Variants in PAK2 observed in about 807,000 individuals in gnomAD.
PAK2 encodes the protein serine/threonine-protein kinase PAK 2.
PAK2 carries 21 observed loss-of-function variants against 65.9 expected under a neutral mutation model. That is an observed-to-expected ratio of 0.32 (90% CI 0.23 to 0.46). The LOEUF (loss-of-function observed/expected upper bound fraction) is 0.46, where lower values mean the gene tolerates loss of function less well. Among genes scored for constraint, PAK2 ranks in the 20% least tolerant of loss-of-function variants. The pLI is 1.00. For missense variants in PAK2, 324 were observed against 642.6 expected, an observed-to-expected ratio of 0.50 and a Z score of 5.36; for synonymous variants, 204 against 219.7, an observed-to-expected ratio of 0.93 and a Z score of 0.63.
chr3:196,793,037 CTG>C (rs1715124504), intron 2 of PAK2, among the ~76,000 whole-genome samples: 2 of 152,220 alleles, frequency 1.3e-5, no homozygotes, highest in Non-Finnish European at 1.5e-5. Flanking sequence ...GCACACGACA[CTG>C]TGTCGGAGTG....
intron 2 of PAK2, among the ~76,000 whole-genome samples, chr3:196,790,277 C>A (rs992647872): frequency 2.6e-5 from 4 of 152,212 alleles, no homozygotes; most frequent in Non-Finnish European, 5.9e-5. Context: ...ACTTAGGATT[C>A]TTTTCAGTAC....
chr3:196,771,274 A>G (rs1714351605), intron 1 of PAK2, among the ~76,000 whole-genome samples: 1 of 152,038 alleles, frequency 6.6e-6, no homozygotes, highest in Non-Finnish European at 1.5e-5. Flanking sequence ...TGACCATTCA[A>G]TTACTGCTTC....
intron 1 of PAK2, among the ~76,000 whole-genome samples, chr3:196,775,193 T>C (rs927119404): frequency 1.1e-4 from 16 of 152,192 alleles, no homozygotes; most frequent in Admixed American, 2.6e-4. Context: ...TTCAGGCAAG[T>C]ATTGCTTAAA....
chr3:196,803,837 C>G (rs1447474458), intron 4 of PAK2, among the ~76,000 whole-genome samples: 1 of 152,066 alleles, frequency 6.6e-6, no homozygotes, highest in African/African-American at 2.4e-5. Flanking sequence ...ATACCGTTAA[C>G]CTATGAGAGA....
chr3:196,815,162 A>G (rs997699511), intron 11 of PAK2, among the ~76,000 whole-genome samples: 18 of 151,748 alleles, frequency 1.2e-4, no homozygotes, highest in Non-Finnish European at 2.6e-4. Context: ...CCTGGGCAAC[A>G]GAGCGAGAGT....
At chr3:196,762,417 G>A (rs1248968307) in intron 1 of PAK2, among the ~76,000 whole-genome samples, 2 of 144,674 alleles carry the variant, frequency 1.4e-5, no homozygotes, top group African/African-American at 2.5e-5. Context: ...ATTGAGCACT[G>A]AGTGAACGAG....
At chr3:196,748,843 T>C (rs1713476179) in intron 1 of PAK2, among the ~76,000 whole-genome samples, 1 of 152,172 alleles carries the variant, frequency 6.6e-6, no homozygotes, top group African/African-American at 2.4e-5. Context: ...TACAGTTCAG[T>C]GGTACTAAAT....
intron 1 of PAK2, among the ~76,000 whole-genome samples, chr3:196,757,361 T>G (rs1246314061): frequency 6.6e-6 from 1 of 152,174 alleles, no homozygotes; most frequent in African/African-American, 2.4e-5. Context: ...ACTGGTTCTT[T>G]GAAGAGAAAT....
At chr3:196,742,022 G>T (rs1294191165) in intron 1 of PAK2, among the ~76,000 whole-genome samples, 1 of 151,948 alleles carries the variant, frequency 6.6e-6, no homozygotes, top group Non-Finnish European at 1.5e-5. Flanking sequence ...TTTATAGTTC[G>T]AGTATACAGG....
chr3:196,782,471 A>G (rs1297351096), intron 1 of PAK2, among the ~76,000 whole-genome samples, 155 bp from the exon 2 acceptor site: 5 of 152,214 alleles, frequency 3.3e-5, no homozygotes, highest in Non-Finnish European at 7.3e-5. Context: ...AGAGAGTTAC[A>G]TCTTTTACAC....
At chr3:196,792,358 A>G (rs1715101196) in intron 2 of PAK2, among the ~76,000 whole-genome samples, 1 of 152,228 alleles carries the variant, frequency 6.6e-6, no homozygotes, top group Non-Finnish European at 1.5e-5. Context: ...ACGACCTCAA[A>G]TTACTCAAAG....
intron 1 of PAK2, among the ~76,000 whole-genome samples, chr3:196,755,440 C>T (rs979630237): frequency 3.4e-5 from 5 of 145,914 alleles, no homozygotes; most frequent in Non-Finnish European, 7.4e-5. Flanking sequence ...AGAGTGTTTA[C>T]GCATTTCTTC....
At chr3:196,804,328 A>G (rs561319712) in intron 4 of PAK2, among the ~76,000 whole-genome samples, 5 of 152,320 alleles carry the variant, frequency 3.3e-5, no homozygotes, top group African/African-American at 9.6e-5. Context: ...ACTTGCTCCT[A>G]GAACTTTTCT....
chr3:196,781,957 T>A (rs1022211594), intron 1 of PAK2, among the ~76,000 whole-genome samples: 1 of 152,046 alleles, frequency 6.6e-6, no homozygotes, highest in African/African-American at 2.4e-5. Flanking sequence ...TACAAAAAAA[T>A]TAGCCGAAAG....
At chr3:196,740,668 T>C (rs1283649671) in intron 1 of PAK2, among the ~76,000 whole-genome samples, 1 of 152,146 alleles carries the variant, frequency 6.6e-6, no homozygotes. Context: ...TAACCTCTTT[T>C]CCACATTCCA....
At chr3:196,747,649 A>G (rs1560088113) in intron 1 of PAK2, among the ~76,000 whole-genome samples, 2 of 152,200 alleles carry the variant, frequency 1.3e-5, no homozygotes, top group South Asian at 2.1e-4. Context: ...TCTGTTGGTA[A>G]TATACAGAGT....
intron 3 of PAK2, 91 bp downstream of exon 3, chr3:196,802,118 GC>G: frequency 1.3e-6 from 1 of 777,752 alleles, no homozygotes; most frequent in Non-Finnish European, 2.3e-6. Flanking sequence ...AACATTTCAG[GC>G]CAGGTGCGGT....
At position 196,783,984 on chromosome 3, in the gene PAK2, T is replaced by C. The variant is rs113380691; in HGVS notation, c.187+1151T>C. Among the ~76,000 whole-genome samples the C allele has an allele frequency of 2.8e-3, 427 of 152,336 alleles. 1 individual carries two copies. Among genetic ancestry groups the C allele is most frequent in the African/African-American group, 9.9e-3 (411 of 41,584 alleles). On this transcript the variant is annotated intron_variant, in intron 2 of 14. Transcript: ENST00000327134. Reference sequence around the variant, plus strand: ...GTCTCCTATCTGTAGACATTTGGGTTGTTTTCATGAATAGTGTTGCTATGG... The same window carrying C: ...GTCTCCTATCTGTAGACATTTGGGTCGTTTTCATGAATAGTGTTGCTATGG...
rs761286680 is a variant in PAK2, at chr3:196,814,529, G to T, written c.1014G>T (p.Thr338=). The part of the protein sequence containing the change: ...GGSLTDVVTE[T]CMDEAQIAAV... ...CACTCACTGATGTGGTAACAGAAAC[G>T]TGCATGGATGAAGCACAGATTGCTG... The change falls in exon 11 of 15, where the codon ACG becomes ACT. Residue 338 remains threonine, a synonymous_variant. Transcript: ENST00000327134. The T allele has an allele frequency of 6.6e-7, 1 of 1,525,198 alleles. No homozygotes were observed. The highest frequency in any genetic ancestry group is 1.7e-5 in the Admixed American group (1 of 58,068). The allele number at this position is 1,525,198 out of a possible 1,614,324, so 94.5% of individuals were successfully genotyped here.
Sources: gnomAD v4.1 joint callset for allele counts (sites outside exome capture counted in the v4.1 genomes callset) on GRCh38, gnomAD v4.1.1 for gene constraint, MANE v1.5 for transcripts, NCBI Gene and HGNC (gene_info 2026-07-23, HGNC 2026-07-21) for gene names.